The following GABRB1 variants were observed in gnomAD, a reference collection of about 807,000 sequenced individuals.
The protein encoded by GABRB1 is gamma-aminobutyric acid type A receptor subunit beta1, also known as gamma-aminobutyric acid receptor subunit beta-1.
GABRB1 carries 17 observed loss-of-function variants against 51.6 expected under a neutral mutation model. The observed-to-expected ratio is 0.33, with a 90% CI of 0.23 to 0.49. GABRB1 has a LOEUF of 0.49. Ranked by LOEUF, GABRB1 falls within the 20% of genes least tolerant of loss-of-function variation. The probability of loss-of-function intolerance (pLI) is 0.99; values close to 1 mark genes in which losing one functional copy is unlikely to be tolerated. For synonymous variants in GABRB1, 247 were observed against 218.9 expected, an observed-to-expected ratio of 1.13 and a Z score of -1.14; for missense variants, 410 against 600.6, an observed-to-expected ratio of 0.68 and a Z score of 3.32.
At chr4:47,401,713 G>GC (rs2110049435) in intron 5 of GABRB1, among the ~76,000 whole-genome samples, 2 of 152,304 alleles carry the variant, frequency 1.3e-5, no homozygotes, top group African/African-American at 4.8e-5. Context: ...CTGTCATATT[G>GC]CCACTAACCA....
chr4:47,049,293 A>T (rs1042721757), intron 3 of GABRB1, among the ~76,000 whole-genome samples: 1 of 152,190 alleles, frequency 6.6e-6, no homozygotes, highest in African/African-American at 2.4e-5. Context: ...TGCCGGTGGA[A>T]AGACAGAACT....
At chr4:47,164,636 T>C (rs1051171814) in intron 4 of GABRB1, among the ~76,000 whole-genome samples, 9 of 152,080 alleles carry the variant, frequency 5.9e-5, no homozygotes, top group African/African-American at 1.9e-4. Flanking sequence ...TAACAGCATG[T>C]CATTAAACAA....
intron 3 of GABRB1, among the ~76,000 whole-genome samples, chr4:47,143,517 T>C (rs1717023925): frequency 6.6e-6 from 1 of 151,848 alleles, no homozygotes; most frequent in Non-Finnish European, 1.5e-5. Context: ...GATAAAAGAC[T>C]GAACATATTC....
At chr4:47,169,590 C>T (rs1044902287) in intron 4 of GABRB1, among the ~76,000 whole-genome samples, 2 of 152,056 alleles carry the variant, frequency 1.3e-5, no homozygotes, top group Non-Finnish European at 2.9e-5. Flanking sequence ...AAACCTCTGC[C>T]TCCCAGGTTC....
intron 1 of GABRB1, among the ~76,000 whole-genome samples, chr4:47,014,193 A>T (rs940780448): frequency 6.6e-6 from 1 of 152,180 alleles, no homozygotes; most frequent in Non-Finnish European, 1.5e-5. Flanking sequence ...TCCATATATT[A>T]TTGGAACTGG....
intron 3 of GABRB1, among the ~76,000 whole-genome samples, chr4:47,092,166 T>G (rs1728331024): frequency 8.6e-6 from 1 of 116,716 alleles, no homozygotes; most frequent in South Asian, 3.1e-4. Flanking sequence ...TCTTTCTTTC[T>G]TTTTTTTTTT....
At chr4:47,286,214 A>T (rs1723504233) in intron 4 of GABRB1, among the ~76,000 whole-genome samples, 2 of 152,208 alleles carry the variant, frequency 1.3e-5, no homozygotes, top group South Asian at 4.1e-4. Context: ...TCCTTCCTCC[A>T]CAGACTAATA....
chr4:47,261,761 C>T (rs1210174538), intron 4 of GABRB1, among the ~76,000 whole-genome samples: 1 of 152,174 alleles, frequency 6.6e-6, no homozygotes, highest in African/African-American at 2.4e-5. Flanking sequence ...AAGAACAAAG[C>T]TGGAGGCATC....
intron 3 of GABRB1, among the ~76,000 whole-genome samples, chr4:47,081,524 G>A (rs758174366): frequency 1.3e-5 from 2 of 152,064 alleles, no homozygotes; most frequent in Non-Finnish European, 2.9e-5. Context: ...TCCTTTCTCT[G>A]CTATCTTTCA....
intron 7 of GABRB1, among the ~76,000 whole-genome samples, chr4:47,404,964 A>G (rs761934409): frequency 2.0e-5 from 3 of 152,216 alleles, no homozygotes; most frequent in Non-Finnish European, 4.4e-5. Context: ...TGTTTAAGCT[A>G]TTCTTTGGAT....
chr4:47,303,070 G>A (rs1048659254), intron 4 of GABRB1, among the ~76,000 whole-genome samples: 2 of 151,884 alleles, frequency 1.3e-5, no homozygotes, highest in African/African-American at 4.8e-5. Context: ...AGTTTGAGAG[G>A]TGGTGGTAGG....
chr4:47,136,526 AT>A (rs1051357611), intron 3 of GABRB1, among the ~76,000 whole-genome samples: 4 of 52,750 alleles, frequency 7.6e-5, no homozygotes, highest in African/African-American at 2.1e-4. Context: ...TTAAAAAAAA[AT>A]ATATAAAAAC....
chr4:47,337,490 G>T (rs1725739623), intron 5 of GABRB1, among the ~76,000 whole-genome samples: 1 of 151,982 alleles, frequency 6.6e-6, no homozygotes, highest in African/African-American at 2.4e-5. Flanking sequence ...GGAGGGCTAA[G>T]AACTGAAGAC....
At chr4:47,415,660 A>G (rs1181816393) in intron 8 of GABRB1, among the ~76,000 whole-genome samples, 1 of 152,208 alleles carries the variant, frequency 6.6e-6, no homozygotes, top group Non-Finnish European at 1.5e-5. Flanking sequence ...GGGCATTATC[A>G]TCAGAGGAAG....
At chr4:47,378,833 G>A (rs1727492108) in intron 5 of GABRB1, among the ~76,000 whole-genome samples, 1 of 152,048 alleles carries the variant, frequency 6.6e-6, no homozygotes, top group Admixed American at 6.6e-5. Context: ...GCTCTGTGAA[G>A]GAAATATAAT....
At chr4:47,096,939 G>A (rs1714469279) in intron 3 of GABRB1, among the ~76,000 whole-genome samples, 1 of 152,186 alleles carries the variant, frequency 6.6e-6, no homozygotes, top group African/African-American at 2.4e-5. Flanking sequence ...ACACACAACT[G>A]TAAGGTAGCC....
chr4:47,025,635 A>G (rs2109457231), intron 1 of GABRB1, among the ~76,000 whole-genome samples: 1 of 152,132 alleles, frequency 6.6e-6, no homozygotes, highest in East Asian at 1.9e-4. Flanking sequence ...CAAAATAAAA[A>G]TGACAGATTA....
chr4:47,328,935 T>C (rs1725358205), intron 5 of GABRB1, among the ~76,000 whole-genome samples: 1 of 150,284 alleles, frequency 6.7e-6, no homozygotes, highest in Admixed American at 6.6e-5. Context: ...AAAAAAGAAA[T>C]ATCTGTCCAC....
chr4:47,123,490 C>CATTATTTT (rs1179480867), intron 3 of GABRB1, among the ~76,000 whole-genome samples: 21 of 14,410 alleles, frequency 1.5e-3, no homozygotes, highest in East Asian at 8.8e-3. Flanking sequence ...TACATTATTT[C>CATTATTTT]ATATATTATA....
Sources: gnomAD v4.1 joint callset for allele counts (sites outside exome capture counted in the v4.1 genomes callset) on GRCh38, gnomAD v4.1.1 for gene constraint, MANE v1.5 for transcripts, NCBI Gene and HGNC (gene_info 2026-07-23, HGNC 2026-07-21) for gene names.